Variants in SERGEF observed in about 807,000 individuals in gnomAD.
SERGEF encodes secretion regulating guanine nucleotide exchange factor.
A neutral mutation model predicts 50.0 loss-of-function variants in SERGEF; 51 were observed. That is an observed-to-expected ratio of 1.02 (90% CI 0.81 to 1.29). SERGEF has a LOEUF of 1.29. Among genes scored for constraint, SERGEF ranks in the 50% most tolerant of loss-of-function variants. SERGEF has a pLI of 0.00. For synonymous variants in SERGEF, 205 were observed against 212.4 expected, an observed-to-expected ratio of 0.97 and a Z score of 0.30; for missense variants, 521 against 557.0, an observed-to-expected ratio of 0.94 and a Z score of 0.65.
chr11:17,901,334 T>TAA (rs973647437), intron 9 of SERGEF, among the ~76,000 whole-genome samples: 7 of 152,340 alleles, frequency 4.6e-5, no homozygotes, highest in Non-Finnish European at 1.0e-4. Flanking sequence ...ATGCCCAAAG[T>TAA]AACCTTTCTA....
At chr11:17,898,762 C>T (rs1565198693) in intron 9 of SERGEF, among the ~76,000 whole-genome samples, 1 of 152,154 alleles carries the variant, frequency 6.6e-6, no homozygotes, top group Non-Finnish European at 1.5e-5. Flanking sequence ...GCAAACAAAA[C>T]ATTTTTGCAC....
intron 9 of SERGEF, among the ~76,000 whole-genome samples, chr11:17,945,805 A>AAAAC (rs1165021190): frequency 6.6e-6 from 1 of 152,058 alleles, no homozygotes; most frequent in Non-Finnish European, 1.5e-5. Flanking sequence ...AACAAAAGCA[A>AAAAC]AAACAAACAA....
intron 10 of SERGEF, chr11:17,846,791 T>A (rs1850620530): frequency 2.2e-6 from 1 of 455,988 alleles, no homozygotes; most frequent in Non-Finnish European, 4.4e-6. Flanking sequence ...GAATGCATAT[T>A]GAACCCAGAA....
chr11:18,006,177 G>A (rs1261609271), intron 3 of SERGEF, among the ~76,000 whole-genome samples: 2 of 152,180 alleles, frequency 1.3e-5, no homozygotes, highest in African/African-American at 2.4e-5. Flanking sequence ...TATTTATTCT[G>A]AGATGGATTA....
rs1368822326 is a variant in SERGEF, at chr11:17,991,297, T to A, written c.685+1634A>T. On this transcript the variant is annotated intron_variant, in intron 7 of 10. Transcript: ENST00000265965. The surrounding 1 kb of genome is among the most constrained non-coding windows in gnomAD (Gnocchi z 4.9). Reference sequence around the variant, plus strand: ...TATATAAATAACACCATAATAAAAGTGCCCTACATATGAAATAACAAATTT... The same window carrying A: ...TATATAAATAACACCATAATAAAAGAGCCCTACATATGAAATAACAAATTT... Among the ~76,000 whole-genome samples the A allele has an allele frequency of 6.6e-6, 1 of 152,144 alleles. No homozygotes were observed. Among genetic ancestry groups the A allele is most frequent in the Non-Finnish European group, 1.5e-5 (1 of 68,026 alleles).
At chr11:17,966,661 T>C (rs1333867972) in intron 8 of SERGEF, among the ~76,000 whole-genome samples, 1 of 152,224 alleles carries the variant, frequency 6.6e-6, no homozygotes, top group Non-Finnish European at 1.5e-5. Context: ...CTTGACTGTA[T>C]AGTTTGTTAT....
At chr11:17,969,933 C>T (rs898602181) in intron 8 of SERGEF, among the ~76,000 whole-genome samples, 4 of 152,348 alleles carry the variant, frequency 2.6e-5, no homozygotes, top group Admixed American at 2.6e-4. Flanking sequence ...CTTACCCAAT[C>T]ATTTGCTTCT....
At chr11:18,011,050 G>C (rs1386184308) in intron 1 of SERGEF, among the ~76,000 whole-genome samples, 5 of 151,954 alleles carry the variant, frequency 3.3e-5, no homozygotes, top group African/African-American at 1.2e-4. Context: ...GCAAGACGAA[G>C]GGAAATTTAA....
At chr11:17,988,974 C>G (rs1424589898) in intron 7 of SERGEF, among the ~76,000 whole-genome samples, 1 of 152,156 alleles carries the variant, frequency 6.6e-6, no homozygotes, top group Non-Finnish European at 1.5e-5. Flanking sequence ...GCCAAATGTT[C>G]TTAGTAGCTT....
chr11:17,934,361 A>C (rs1852409951), intron 9 of SERGEF, among the ~76,000 whole-genome samples: 1 of 152,214 alleles, frequency 6.6e-6, no homozygotes, highest in Non-Finnish European at 1.5e-5. Flanking sequence ...CAGATCACAG[A>C]GCTAGACAAA....
At chr11:17,837,330 T>G (rs1850418277) in intron 10 of SERGEF, among the ~76,000 whole-genome samples, 1 of 152,010 alleles carries the variant, frequency 6.6e-6, no homozygotes, top group Non-Finnish European at 1.5e-5. Context: ...CTAAACCTCA[T>G]GTTGAAATTT....
chr11:17,869,194 G>A (rs1015133466), intron 10 of SERGEF, among the ~76,000 whole-genome samples: 3 of 152,122 alleles, frequency 2.0e-5, no homozygotes, highest in African/African-American at 7.2e-5. Context: ...AAATCCAAAA[G>A]CCATACAGGA....
At chr11:17,809,741 G>A (rs549391642) in intron 10 of SERGEF, among the ~76,000 whole-genome samples, 9 of 151,896 alleles carry the variant, frequency 5.9e-5, no homozygotes, top group Admixed American at 4.6e-4. Context: ...GGGTACAGAG[G>A]GGTGAGAGGA....
At chr11:17,807,782 G>A (rs1452285766) in intron 10 of SERGEF, among the ~76,000 whole-genome samples, 1 of 152,184 alleles carries the variant, frequency 6.6e-6, no homozygotes, top group Non-Finnish European at 1.5e-5. Flanking sequence ...ACTTTGAAAT[G>A]GAAGCAAGGG....
intron 1 of SERGEF, chr11:18,010,312 G>T: frequency 3.9e-6 from 1 of 255,822 alleles, no homozygotes; most frequent in Non-Finnish European, 7.9e-6. Context: ...GAAGCCCACA[G>T]GGGGCAATAT....
At chr11:17,931,800 C>T (rs962236057) in intron 9 of SERGEF, among the ~76,000 whole-genome samples, 12 of 152,144 alleles carry the variant, frequency 7.9e-5, no homozygotes. Flanking sequence ...TTGTTAGAAA[C>T]CAAATTCTCA....
intron 10 of SERGEF, among the ~76,000 whole-genome samples, chr11:17,799,998 T>C (rs1377131546): frequency 6.6e-6 from 1 of 152,200 alleles, no homozygotes; most frequent in Non-Finnish European, 1.5e-5. Context: ...ATTCCTGAGA[T>C]GGATCAAACC....
intron 10 of SERGEF, among the ~76,000 whole-genome samples, chr11:17,851,238 C>G (rs963523240): frequency 2.0e-5 from 3 of 152,084 alleles, no homozygotes; most frequent in Non-Finnish European, 4.4e-5. Context: ...AAGAGGAAAC[C>G]TATGCTCAGA....
intron 9 of SERGEF, chr11:17,918,667 C>CACAT: frequency 5.7e-6 from 2 of 352,344 alleles, no homozygotes; most frequent in Admixed American, 6.6e-5. Flanking sequence ...CACACACTCT[C>CACAT]TCTCTCTCTC....
Sources: allele counts gnomAD v4.1 joint callset (sites outside exome capture counted in the v4.1 genomes callset), GRCh38; gene constraint gnomAD v4.1.1; non-coding constraint Gnocchi (gnomAD v3.1); transcripts MANE v1.5; gene names NCBI Gene and HGNC (gene_info 2026-07-23, HGNC 2026-07-21).